Variants in AGO3 observed in about 807,000 individuals in gnomAD.
AGO3 encodes the protein protein argonaute-3.
AGO3 carries 16 observed loss-of-function variants against 105.5 expected under a neutral mutation model. The observed-to-expected ratio is 0.15, with a 90% confidence interval of 0.10 to 0.23. The LOEUF (loss-of-function observed/expected upper bound fraction) is 0.23, where lower values mean the gene tolerates loss of function less well. Ranked by LOEUF, AGO3 falls within the 10% of genes least tolerant of loss-of-function variation. The pLI is 1.00. For synonymous variants in AGO3, 340 were observed against 367.3 expected (o/e 0.93, Z 0.85); for missense variants, 534 against 1,088.0 (o/e 0.49, Z 7.16).
intron 5 of AGO3, among the ~76,000 whole-genome samples, chr1:35,979,189 C>G (rs935378971): frequency 2.6e-5 from 4 of 151,978 alleles, no homozygotes; most frequent in African/African-American, 9.7e-5. Context: ...ACGGTGAAAC[C>G]CCATCTCTAC....
intron 6 of AGO3, among the ~76,000 whole-genome samples, chr1:36,007,681 A>G (rs1375677207): frequency 6.6e-6 from 1 of 151,728 alleles, no homozygotes. Context: ...GGGCAACAAG[A>G]GCAAAAAACT....
At chr1:35,995,209 A>AAAAAATATAT (rs1237315557) in intron 5 of AGO3, among the ~76,000 whole-genome samples, 10 of 114,734 alleles carry the variant, frequency 8.7e-5, no homozygotes, top group African/African-American at 3.7e-4. Context: ...TAAAAAAAAA[A>AAAAAATATAT]ATATATATAT....
In AGO3 at chr1:36,009,379, T is replaced by C. The variant is rs1640483159; in HGVS notation, c.1030-96T>C. Reference sequence around the variant, plus strand: ...ATTGAAAATAAGTGGTTTAATGAAGTTGATTTTAAATTTTTATTTACATGT... The same window carrying C: ...ATTGAAAATAAGTGGTTTAATGAAGCTGATTTTAAATTTTTATTTACATGT... On this transcript the variant is annotated intron_variant, in intron 8 of 18. Transcript: ENST00000373191. 2.2e-6 allele frequency: 3 copies of C among 1,374,368 alleles called. No individual in the cohort carries two copies. The South Asian group carries it at 4.7e-5, about 22-fold the overall frequency. 85.1% of individuals were successfully genotyped at this position (1,374,368 alleles called of 1,614,324 possible).
Position 36,027,252 on chromosome 1 carries a change from C to T in AGO3, c.1545C>T (p.Gly515=). The T allele has an allele frequency of 6.2e-7, 1 of 1,614,052 alleles. No individual in the cohort carries two copies. The highest frequency in any genetic ancestry group is 8.5e-7 in the Non-Finnish European group (1 of 1,179,966). The part of the protein sequence containing the change: ...MFRHLKNTYS[G]LQLIIVILPG... ...GGCATCTCAAGAACACATATTCTGG[C>T]CTACAGCTTATTATCGTCATCCTGC... is the stretch of plus-strand genomic sequence containing the variant. The change falls in exon 12 of 19, where the codon GGC becomes GGT. Residue 515 remains glycine (G), a synonymous_variant. Transcript: ENST00000373191. The surrounding 1 kb of genome is among the most constrained non-coding windows in gnomAD (Gnocchi z 4.0).
At position 36,009,516 on chromosome 1, in the gene AGO3, A is replaced by C; in HGVS notation, c.1071A>C (p.Leu357=). The C allele has an allele frequency of 6.2e-7, 1 of 1,614,006 alleles. No individual in the cohort carries two copies. Among genetic ancestry groups the C allele is most frequent in the Non-Finnish European group, 8.5e-7 (1 of 1,179,978 alleles). The stretch of plus-strand genomic sequence containing the variant: ...CAGGGCAACGATGTATCAAGAAGCT[A>C]ACAGACAATCAGACTTCCACTATGA... ...IVAGQRCIKK[L]TDNQTSTMIK... Residue 357 remains leucine, a synonymous_variant, in exon 9 of 19, where the codon CTA becomes CTC. Coordinates refer to ENST00000373191, the MANE Select transcript of AGO3 (RefSeq NM_024852.4).
At chr1:35,954,372 A>G (rs1646527561) in intron 2 of AGO3, among the ~76,000 whole-genome samples, 1 of 152,234 alleles carries the variant, frequency 6.6e-6, no homozygotes, top group African/African-American at 2.4e-5. Context: ...ACAAGGGACT[A>G]GTACATAAGG....
At position 36,070,792 on chromosome 1, in the gene AGO3, T is replaced by G. The variant is rs1035472032; in HGVS notation, c.*15047T>G. ...AAAAAATCCACCTTGTGCAGTGAGA[T>G]AGCTAACGCTGATATATCAGGAATA... On this transcript the variant is annotated 3_prime_UTR_variant, in exon 19 of 19. Transcript: ENST00000373191. 6.6e-6 allele frequency: 1 copy of G among 152,230 alleles called. No homozygotes were observed. The highest frequency in any genetic ancestry group is 2.4e-5 in the African/African-American group (1 of 41,462). The allele number at this position is 152,230 out of a possible 1,614,324, so 9.4% of individuals were successfully genotyped here. A position where few individuals can be genotyped will look rare whatever the true frequency, so the allele number is the denominator to read the frequency against.
At chr1:36,040,584 G>A in intron 16 of AGO3, 143 bp downstream of exon 16, 1 of 716,924 alleles carries the variant, frequency 1.4e-6, no homozygotes, top group Non-Finnish European at 2.1e-6. Context: ...GAGTATAGAA[G>A]CATCAAAATA....
intron 12 of AGO3, among the ~76,000 whole-genome samples, chr1:36,029,999 T>C (rs985192316): frequency 1.3e-5 from 2 of 150,000 alleles, no homozygotes; most frequent in Non-Finnish European, 2.9e-5. Flanking sequence ...GGCCCCTAAA[T>C]TTCCTACATG....
At chr1:35,964,939 G>T (rs193215426) in intron 2 of AGO3, among the ~76,000 whole-genome samples, 2 of 151,086 alleles carry the variant, frequency 1.3e-5, no homozygotes, top group East Asian at 3.9e-4. Context: ...TGAAGTGTCT[G>T]TTCATGTCAT....
chr1:35,983,005 T>TG (rs1187076247), intron 5 of AGO3: 2 of 185,038 alleles, frequency 1.1e-5, no homozygotes, highest in Non-Finnish European at 2.2e-5. Flanking sequence ...TCTGAAATTT[T>TG]GGGGGCAGGC....
intron 5 of AGO3, among the ~76,000 whole-genome samples, chr1:36,001,592 CA>C (rs1640089723): frequency 1.3e-5 from 2 of 152,010 alleles, no homozygotes; most frequent in Admixed American, 1.3e-4. Flanking sequence ...TAGTGTGCAG[CA>C]ATTAAAGGGT....
chr1:35,945,161 T>C (rs1236393678), intron 1 of AGO3, among the ~76,000 whole-genome samples: 1 of 152,156 alleles, frequency 6.6e-6, no homozygotes, highest in Non-Finnish European at 1.5e-5. Context: ...TGTACTTTCT[T>C]GATTCTTTTT....
At chr1:35,972,836 G>A (rs1464745784) in intron 4 of AGO3, among the ~76,000 whole-genome samples, 1 of 149,082 alleles carries the variant, frequency 6.7e-6, no homozygotes, top group Non-Finnish European at 1.5e-5. Flanking sequence ...GCACCATCAT[G>A]CCTGACTAAT....
At chr1:35,977,093 CTA>C (rs1028403286) in intron 5 of AGO3, among the ~76,000 whole-genome samples, 39 of 150,724 alleles carry the variant, frequency 2.6e-4, no homozygotes, top group African/African-American at 9.0e-4. Context: ...TTAAAAATAA[CTA>C]AAAATATAAT....
At chr1:36,015,721 GCAT>G (rs1408550345) in intron 11 of AGO3, among the ~76,000 whole-genome samples, 1 of 152,210 alleles carries the variant, frequency 6.6e-6, no homozygotes, top group Admixed American at 6.5e-5. Flanking sequence ...GTAGCAGCAA[GCAT>G]CATTGTCTTT....
At chr1:36,033,798 C>T (rs1641890156) in intron 12 of AGO3, among the ~76,000 whole-genome samples, 1 of 152,070 alleles carries the variant, frequency 6.6e-6, no homozygotes, top group African/African-American at 2.4e-5. Flanking sequence ...TGTAAGTGTA[C>T]TGTGATTACA....
chr1:35,939,821 C>G (rs547471763), intron 1 of AGO3, among the ~76,000 whole-genome samples: 1 of 152,020 alleles, frequency 6.6e-6, no homozygotes, highest in Non-Finnish European at 1.5e-5. Flanking sequence ...ATTGTACCCA[C>G]CACCCAAACG....
At chr1:36,029,569 G>A (rs1641671062) in intron 12 of AGO3, among the ~76,000 whole-genome samples, 1 of 151,278 alleles carries the variant, frequency 6.6e-6, no homozygotes, top group Admixed American at 6.6e-5. Flanking sequence ...TAATTTTTTT[G>A]TATTTTTTAG....
Sources: allele counts gnomAD v4.1 joint callset (sites outside exome capture counted in the v4.1 genomes callset), GRCh38; gene constraint gnomAD v4.1.1; non-coding constraint Gnocchi (gnomAD v3.1); transcripts MANE v1.5; gene names NCBI Gene and HGNC (gene_info 2026-07-23, HGNC 2026-07-21).